Variants in MEGF11 observed in about 807,000 individuals in gnomAD.
MEGF11 encodes multiple epidermal growth factor-like domains protein 11.
MEGF11 carries 126 observed loss-of-function variants against 146.6 expected under a neutral mutation model. That is an observed-to-expected ratio of 0.86 (90% confidence interval 0.74 to 1.00). The LOEUF is 1.00. Among genes scored for constraint, MEGF11 ranks in the 50% least tolerant of loss-of-function variants. The pLI, the probability that MEGF11 is intolerant of heterozygous loss-of-function variation, is 0.00. For missense variants in MEGF11, 1,509 were observed against 1,521.2 expected (o/e 0.99, Z 0.13); for synonymous variants, 532 against 583.4 (o/e 0.91, Z 1.27).
In MEGF11 at chr15:65,896,417, A is replaced by G. The variant is rs3803415; in HGVS notation, c.*1517T>C. On this transcript the variant is annotated 3_prime_UTR_variant, in exon 26 of 26. Transcript: ENST00000395614. ...GTTCCATGGCAGGCTTCCAGTTTCT[A>G]TCAAGGGTTTCAGAACTCTCATACT... The G allele has an allele frequency of 6.5e-6, 1 of 152,690 alleles. No individual in the cohort carries two copies. The highest frequency in any genetic ancestry group is 1.9e-4 in the East Asian group (1 of 5,186). 9.5% of individuals were successfully genotyped at this position (152,690 alleles called of 1,614,324 possible). A position where few individuals can be genotyped will look rare whatever the true frequency, so the allele number is the denominator to read the frequency against.
intron 3 of MEGF11, among the ~76,000 whole-genome samples, chr15:66,120,662 A>G (rs935215552): frequency 6.6e-6 from 1 of 152,222 alleles, no homozygotes; most frequent in African/African-American, 2.4e-5. Context: ...AGGTCATTCA[A>G]CTTTGTCAAA....
chr15:66,136,650 C>A (rs2088901634), intron 1 of MEGF11, among the ~76,000 whole-genome samples: 1 of 152,216 alleles, frequency 6.6e-6, no homozygotes, highest in Non-Finnish European at 1.5e-5. Flanking sequence ...TTTAACCCAG[C>A]ATTCCATTTC....
intron 5 of MEGF11, among the ~76,000 whole-genome samples, chr15:66,087,190 A>G (rs2086144961): frequency 1.3e-5 from 2 of 152,170 alleles, no homozygotes; most frequent in African/African-American, 4.8e-5. Context: ...ACTAATAGAC[A>G]TAAGAAATGA....
At chr15:65,928,551 A>G in intron 12 of MEGF11, 24 bp from the exon 13 acceptor site, 2 of 1,531,916 alleles carry the variant, frequency 1.3e-6, no homozygotes, top group Non-Finnish European at 1.8e-6. Context: ...AGGGAGAGAA[A>G]AATGATCAGA....
intron 1 of MEGF11, among the ~76,000 whole-genome samples, chr15:66,161,061 A>C (rs536981207): frequency 6.6e-6 from 1 of 152,318 alleles, no homozygotes. Context: ...ACATGAGGTC[A>C]CAGCCTTAGC....
Position 65,929,804 on chromosome 15 carries a change from G to GGCAC in MEGF11, c.1484_1487dup (p.Asn497CysfsTer25). 6.4e-7 allele frequency: 1 copy of GGCAC among 1,574,400 alleles called. No homozygotes were observed. Among genetic ancestry groups the GGCAC allele is most frequent in the Non-Finnish European group, 8.6e-7 (1 of 1,160,104 alleles). On this transcript the variant is annotated frameshift_variant, in exon 12 of 26. Transcript: ENST00000395614. LOFTEE classifies it high-confidence loss of function. ...CTATGGGGCTGCAGGCTGCCCCATT[G>GGCAC]GCACAGGTGCAGCTCTCGTTGCAGT...
chr15:65,954,371 G>A (rs76739565), intron 10 of MEGF11, among the ~76,000 whole-genome samples: 1,869 of 152,324 alleles, frequency 0.012, 12 homozygotes, highest in Non-Finnish European at 0.02. Flanking sequence ...ATTGTGGGAA[G>A]TTGCATTCAC....
chr15:66,087,285 A>G (rs1480762492), intron 5 of MEGF11, among the ~76,000 whole-genome samples: 1 of 152,242 alleles, frequency 6.6e-6, no homozygotes, highest in African/African-American at 2.4e-5. Context: ...AAGTCAACAA[A>G]AAAACCATGG....
intron 1 of MEGF11, among the ~76,000 whole-genome samples, chr15:66,184,529 C>T (rs1448400324): frequency 5.3e-5 from 8 of 152,002 alleles, no homozygotes; most frequent in Non-Finnish European, 1.0e-4. Flanking sequence ...TGCTACCTCA[C>T]ACCTCCTCAC....
rs2081689100 is a variant in MEGF11 at position 65,982,505 on chromosome 15, A to G, written c.395-17T>C. 1 of 1,465,600 alleles carries G rather than the reference A, an allele frequency of 6.8e-7. No homozygotes were observed. The highest frequency in any genetic ancestry group is 2.5e-5 in the East Asian group (1 of 40,302). The allele number at this position is 1,465,600 out of a possible 1,614,324, so 90.8% of individuals were successfully genotyped here. Reference sequence around the variant, plus strand: ...TGTCGCAGCCTGCAAGAGACGGGACAGTCAGGGATCAGGAGCCCCGAAGGC... The same window carrying G: ...TGTCGCAGCCTGCAAGAGACGGGACGGTCAGGGATCAGGAGCCCCGAAGGC... On this transcript the variant is annotated splice_polypyrimidine_tract_variant and intron_variant, in intron 5 of 25. Coordinates refer to ENST00000395614, the MANE Select transcript of MEGF11 (RefSeq NM_001385028.1). This position sits in a 1 kb window ranked among gnomAD's most constrained non-coding sequence, Gnocchi z 5.6.
intron 5 of MEGF11, among the ~76,000 whole-genome samples, chr15:66,092,030 A>G (rs986629336): frequency 7.9e-5 from 12 of 152,220 alleles, no homozygotes; most frequent in African/African-American, 2.2e-4. Context: ...GTCTTATCCA[A>G]TGAGGTCCTT....
chr15:66,169,760 G>A (rs906266432), intron 1 of MEGF11, among the ~76,000 whole-genome samples: 6 of 152,184 alleles, frequency 3.9e-5, no homozygotes, highest in South Asian at 2.1e-4. Flanking sequence ...TCTTGACCCC[G>A]GGTGGTTGGG....
At chr15:66,008,046 T>A (rs181927266) in intron 5 of MEGF11, among the ~76,000 whole-genome samples, 1 of 152,116 alleles carries the variant, frequency 6.6e-6, no homozygotes, top group Non-Finnish European at 1.5e-5. Flanking sequence ...CAGTGAAGTG[T>A]CCACTATGCA....
chr15:65,929,120 T>C (rs901864895), intron 12 of MEGF11, among the ~76,000 whole-genome samples: 1 of 152,198 alleles, frequency 6.6e-6, no homozygotes, highest in African/African-American at 2.4e-5. Flanking sequence ...ACAAAGGATG[T>C]GACAAAGCCA....
At chr15:66,221,355 C>T (rs963068655) in intron 1 of MEGF11, among the ~76,000 whole-genome samples, 9 of 152,144 alleles carry the variant, frequency 5.9e-5, no homozygotes, top group African/African-American at 2.2e-4. Flanking sequence ...CTCAGTCCTG[C>T]TTCTTCTCCC....
chr15:65,956,959 A>C (rs2080664027), intron 10 of MEGF11, among the ~76,000 whole-genome samples: 1 of 152,242 alleles, frequency 6.6e-6, no homozygotes, highest in African/African-American at 2.4e-5. Context: ...GGCAACATCC[A>C]TCAAGAGCCG....
chr15:66,163,325 C>G (rs1280249169), intron 1 of MEGF11, among the ~76,000 whole-genome samples: 1 of 152,150 alleles, frequency 6.6e-6, no homozygotes, highest in African/African-American at 2.4e-5. Context: ...TCTTTAGGCT[C>G]CTTCTATTTG....
rs1055555945 is a variant in MEGF11 at position 66,043,154 on chromosome 15, C to T, written c.394+51248G>A. Among the ~76,000 whole-genome samples, 41 of 152,234 alleles carry T rather than the reference C, an allele frequency of 2.7e-4. 1 individual carries two copies. Among genetic ancestry groups the T allele is most frequent in the African/African-American group, 6.3e-4 (26 of 41,460 alleles). On this transcript the variant is annotated intron_variant, in intron 5 of 25. Transcript: ENST00000395614. ...TTGTCTTCACATATTGAGAGCTCTT[C>T]GAGGCTGGGTCTGAGTCTTATTCCC...
At chr15:66,105,353 C>T (rs908756070) in intron 4 of MEGF11, among the ~76,000 whole-genome samples, 6 of 152,104 alleles carry the variant, frequency 3.9e-5, no homozygotes, top group African/African-American at 9.7e-5. Context: ...TCTGCAAGGC[C>T]GGGCCCTGCC....
Sources: allele counts gnomAD v4.1 joint callset (sites outside exome capture counted in the v4.1 genomes callset), GRCh38; gene constraint gnomAD v4.1.1; non-coding constraint Gnocchi (gnomAD v3.1); transcripts MANE v1.5; gene names NCBI Gene and HGNC (gene_info 2026-07-23, HGNC 2026-07-21).